Variants in KLK14 observed in about 807,000 individuals in gnomAD.
KLK14 encodes the protein kallikrein related peptidase 14.
Under a neutral mutation model 24.6 loss-of-function variants are expected in KLK14, and 21 were observed. The ratio of observed to expected loss-of-function variants is 0.85; its 90% CI spans 0.61 to 1.23. KLK14 has a LOEUF of 1.23. KLK14 is among the 50% of genes most tolerant of loss of function. KLK14 has a pLI of 0.00. For synonymous variants in KLK14, 133 were observed against 139.7 expected (o/e 0.95, Z 0.34); for missense variants, 320 against 338.9 (o/e 0.94, Z 0.44).
chr19:51,083,282 A>AGAGG (rs2091851687), upstream of KLK14, among the ~76,000 whole-genome samples: 2 of 123,278 alleles, frequency 1.6e-5, no homozygotes, highest in South Asian at 6.2e-4. Context: ...GAGGAGGGAG[A>AGAGG]GAGGGAGAGA....
At position 51,081,501 on chromosome 19, in the gene KLK14, A is replaced by G; in HGVS notation, c.212+31T>C. The G allele has an allele frequency of 3.5e-6, 5 of 1,443,320 alleles. No individual in the cohort carries two copies. In the South Asian group the frequency reaches 7.3e-5, roughly 21 times the overall value. The allele number at this position is 1,443,320 out of a possible 1,614,324, so 89.4% of individuals were successfully genotyped here. ...AGGGCTTTAGACTCTGGAATTCACT[A>G]GGTACAGGGACAGGGGAGGGGGTCA... On this transcript the variant is annotated intron_variant, in intron 3 of 5. Coordinates refer to ENST00000650543, the MANE Select transcript of KLK14 (RefSeq NM_001369775.2).
At position 51,078,394 on chromosome 19, in the gene KLK14, A is replaced by AG. The variant is rs2091816742; in HGVS notation, c.604-236dup. 6.6e-6 allele frequency among the ~76,000 whole-genome samples: 1 copy of AG among 152,062 alleles called. No homozygotes were observed. The highest frequency in any genetic ancestry group is 6.5e-5 in the Admixed American group (1 of 15,270). ...ACCTGCCTGTCCCTTGAATCTCACC[A>AG]GGCCCCTCTCTGTTCGCTCCAACTG... is the stretch of plus-strand genomic sequence containing the variant. On this transcript the variant is annotated intron_variant, in intron 5 of 5. Coordinates refer to ENST00000650543, the MANE Select transcript of KLK14 (RefSeq NM_001369775.2). This position sits in a 1 kb window ranked among gnomAD's most constrained non-coding sequence, Gnocchi z 5.0.
rs376403022 is a variant in KLK14, at chr19:51,079,539, C to T, written c.376G>A (p.Ala126Thr). The T allele has an allele frequency of 3.7e-6, 6 of 1,613,820 alleles. No individual in the cohort carries two copies. In the African/African-American group the frequency reaches 8.0e-5, roughly 22 times the overall value. Residue 126 changes from alanine to threonine, a missense_variant, in exon 4 of 6, where the codon GCA becomes ACA. Physicochemically the swap from Ala to Thr is moderately conservative, Grantham distance 58. Transcript: ENST00000650543. Reference protein sequence around the residue: ...QLQQPARIGRAVRPIEVTQAC... With the variant: ...QLQQPARIGRTVRPIEVTQAC... ...TGGGTGACCTCAATGGGCCTGACTG[C>T]CCTCCCGATCCGTGCGGGCTGCTGT...
In KLK14 at chr19:51,078,879, G is replaced by C; in HGVS notation, c.539C>G (p.Pro180Arg). The C allele has an allele frequency of 1.9e-6, 3 of 1,614,022 alleles. No homozygotes were observed. Among genetic ancestry groups the C allele is most frequent in the Non-Finnish European group, 2.5e-6 (3 of 1,179,924 alleles). The change falls in exon 5 of 6, where the codon CCT becomes CGT. Residue 180 changes from proline to arginine, a missense_variant. Physicochemically the swap from Pro to Arg is moderately radical, Grantham distance 103. Transcript: ENST00000650543. This position sits in a 1 kb window ranked among gnomAD's most constrained non-coding sequence, Gnocchi z 5.0. Reference protein sequence around the residue: ...SPDEVCQKAYPRTITPGMVCA... With the variant: ...SPDEVCQKAYRRTITPGMVCA... ...GACCATGCCAGGCGTGATGGTTCTA[G>C]GATAGGCCTTCTGGCACACCTCATC...
chr19:51,078,254 C>T lies in KLK14; in HGVS notation c.604-95G>A. On this transcript the variant is annotated intron_variant, in intron 5 of 5. Transcript: ENST00000650543. The surrounding 1 kb of genome is among the most constrained non-coding windows in gnomAD (Gnocchi z 5.0). ...CGAGAAGCAGACACAGGGAGACAGG[C>T]AGAGACACTGGTGGACAGTTAGGGA... 1 of 1,326,002 alleles carries T rather than the reference C, an allele frequency of 7.5e-7. No homozygotes were observed. The highest frequency in any genetic ancestry group is 1.0e-6 in the Non-Finnish European group (1 of 961,296). The allele number at this position is 1,326,002 out of a possible 1,614,324, so 82.1% of individuals were successfully genotyped here. A position where few individuals can be genotyped will look rare whatever the true frequency, so the allele number is the denominator to read the frequency against.
At position 51,082,786 on chromosome 19, in the gene KLK14, G is replaced by T. The variant is rs200002398; in HGVS notation, c.-87C>A. Reference sequence around the variant, plus strand: ...AGAGGTAGGGACCAGAGACGAGGGGGGCGGGGCCTGCAGGCTCTGCGGGCG... The same window carrying T: ...AGAGGTAGGGACCAGAGACGAGGGGTGCGGGGCCTGCAGGCTCTGCGGGCG... On this transcript the variant is annotated 5_prime_UTR_variant, in exon 1 of 6. Coordinates refer to ENST00000650543, the MANE Select transcript of KLK14 (RefSeq NM_001369775.2). 2 of 1,607,720 alleles carry T rather than the reference G, an allele frequency of 1.2e-6. No individual in the cohort carries two copies. Among genetic ancestry groups the T allele is most frequent in the East Asian group, 2.2e-5 (1 of 44,686 alleles).
In KLK14 at chr19:51,078,335, C is replaced by A. The variant is rs1390783769; in HGVS notation, c.604-176G>T. 6.6e-6 allele frequency among the ~76,000 whole-genome samples: 1 copy of A among 152,148 alleles called. No homozygotes were observed. The highest frequency in any genetic ancestry group is 1.5e-5 in the Non-Finnish European group (1 of 68,004). On this transcript the variant is annotated intron_variant, in intron 5 of 5. Transcript: ENST00000650543. This position sits in a 1 kb window ranked among gnomAD's most constrained non-coding sequence, Gnocchi z 5.0. ...CCCCGGAGGTCGGGGCACTTCCTTC[C>A]CTCTCCGCTGGGTCTGGCTCTGTCT...
chr19:51,079,307 C>T, intron 4 of KLK14, 142 bp downstream of exon 4: 1 of 838,298 alleles, frequency 1.2e-6, no homozygotes, highest in Non-Finnish European at 1.8e-6. Flanking sequence ...CAGGCCTCAG[C>T]CCCCTCCTCC....
Position 51,078,944 on chromosome 19 carries a change from G to A in KLK14, c.474C>T (p.Tyr158=). The A allele has an allele frequency of 6.2e-7, 1 of 1,613,722 alleles. No homozygotes were observed. The highest frequency in any genetic ancestry group is 8.5e-7 in the Non-Finnish European group (1 of 1,179,884). ...TGTTCACGCATTGCAGAGAGGCGGG[G>A]TACCTGGCTGGGGGACACTGCAGGG... ...WGTISSPIAR[Y]PASLQCVNIN... is the part of the protein sequence containing the mutation. Residue 158 remains tyrosine, a synonymous_variant, in exon 5 of 6, where the codon TAC becomes TAT. Coordinates refer to ENST00000650543, the MANE Select transcript of KLK14 (RefSeq NM_001369775.2). The surrounding 1 kb of genome is among the most constrained non-coding windows in gnomAD (Gnocchi z 5.0).
At chr19:51,077,676 G>T (rs1454051511), downstream of KLK14, among the ~76,000 whole-genome samples, 1 of 146,808 alleles carries the variant, frequency 6.8e-6, no homozygotes, top group Non-Finnish European at 1.5e-5. Flanking sequence ...GAGGGGCTGG[G>T]CCTGGATTCC....
chr19:51,079,418 C>T, intron 4 of KLK14, 31 bp downstream of exon 4: 2 of 1,579,176 alleles, frequency 1.3e-6, no homozygotes, highest in South Asian at 1.1e-5. Flanking sequence ...CAGGCCCAGT[C>T]CCCTGCTTTC....
intron 2 of KLK14, among the ~76,000 whole-genome samples, chr19:51,082,360 T>C (rs898700271): frequency 1.3e-5 from 2 of 152,080 alleles, no homozygotes; most frequent in African/African-American, 4.8e-5. Flanking sequence ...GCACCAGACC[T>C]TATAAACACC....
rs1359428913 is a variant in KLK14, at chr19:51,082,722, C to T, written c.-23G>A. Reference sequence around the variant, plus strand: ...GGCAGAGACAGCAAGGGGCACTTACCCAGAGCCCAAGACCCTCAGGGACAT... The same window carrying T: ...GGCAGAGACAGCAAGGGGCACTTACTCAGAGCCCAAGACCCTCAGGGACAT... On this transcript the variant is annotated splice_region_variant and 5_prime_UTR_variant, in exon 1 of 6. Coordinates refer to ENST00000650543, the MANE Select transcript of KLK14 (RefSeq NM_001369775.2). 6.2e-7 allele frequency: 1 copy of T among 1,613,798 alleles called. No individual in the cohort carries two copies. Among genetic ancestry groups the T allele is most frequent in the Admixed American group, 1.7e-5 (1 of 59,994 alleles).
upstream of KLK14, among the ~76,000 whole-genome samples, chr19:51,083,403 GGAGA>G (rs1178510291): frequency 1.0e-5 from 1 of 99,124 alleles, no homozygotes; most frequent in Non-Finnish European, 2.0e-5. Flanking sequence ...AGAGAGAGAT[GGAGA>G]GAGAGACAGA....
chr19:51,082,689 G>A (rs777437075), intron 1 of KLK14, 33 bp downstream of exon 1: 4 of 1,614,066 alleles, frequency 2.5e-6, no homozygotes, highest in South Asian at 1.1e-5. Context: ...CAGAACCGGG[G>A]GCTGAGAGGC....
intron 2 of KLK14, 99 bp from the exon 3 acceptor site, chr19:51,081,802 G>T: frequency 1.7e-6 from 2 of 1,197,994 alleles, no homozygotes; most frequent in Non-Finnish European, 2.3e-6. Flanking sequence ...CCTTCCTTTT[G>T]GTCTAACCCC....
rs1307473956 is a variant in KLK14 at position 51,081,697 on chromosome 19, G to A, written c.47C>T (p.Thr16Ile). 1.9e-6 allele frequency: 3 copies of A among 1,539,344 alleles called. No homozygotes were observed. The highest frequency in any genetic ancestry group is 1.8e-6 in the Non-Finnish European group (2 of 1,138,826). The change falls in exon 3 of 6, where the codon ACA (threonine) becomes ATA (isoleucine). Residue 16 changes from threonine (T) to isoleucine (I), a missense_variant. Physicochemically the swap from Thr to Ile is moderately conservative, Grantham distance 89 (BLOSUM62 -1). Coordinates refer to ENST00000650543, the MANE Select transcript of KLK14 (RefSeq NM_001369775.2). ...TALQVLAIAMTQSQEDENKII... is the reference protein window; with the variant it reads ...TALQVLAIAMIQSQEDENKII... ...CTTGTTCTCATCCTCTTGGCTCTGTGTCATGGCTAGGAGTGGACAGGATTG... is the reference window on the plus strand; with the variant it reads ...CTTGTTCTCATCCTCTTGGCTCTGTATCATGGCTAGGAGTGGACAGGATTG...
chr19:51,078,949 T>A lies in KLK14; in HGVS notation c.469A>T (p.Arg157Trp). Residue 157 changes from arginine to tryptophan, a missense_variant and splice_region_variant, in exon 5 of 6, where the codon AGG becomes TGG. By Grantham distance (101) the Arg-to-Trp change is moderately radical (BLOSUM62 -3). Coordinates refer to ENST00000650543, the MANE Select transcript of KLK14 (RefSeq NM_001369775.2). This position sits in a 1 kb window ranked among gnomAD's most constrained non-coding sequence, Gnocchi z 5.0. The stretch of plus-strand genomic sequence containing the variant: ...ACGCATTGCAGAGAGGCGGGGTACC[T>A]GGCTGGGGGACACTGCAGGGTTATA... Reference protein sequence around the residue: ...GWGTISSPIARYPASLQCVNI... With the variant: ...GWGTISSPIAWYPASLQCVNI... 6.2e-7 allele frequency: 1 copy of A among 1,613,544 alleles called. No individual in the cohort carries two copies. The highest frequency in any genetic ancestry group is 8.5e-7 in the Non-Finnish European group (1 of 1,179,852).
In KLK14 at chr19:51,081,139, G is replaced by A. The variant is rs185150473; in HGVS notation, c.212+393C>T. 5.9e-5 allele frequency among the ~76,000 whole-genome samples: 9 copies of A among 152,330 alleles called. No individual in the cohort carries two copies. In the East Asian group the frequency reaches 1.4e-3, roughly 23 times the overall value. On this transcript the variant is annotated intron_variant, in intron 3 of 5. Coordinates refer to ENST00000650543, the MANE Select transcript of KLK14 (RefSeq NM_001369775.2). ...CTAGTTCTGGATTTATGGCTAGACT[G>A]CAGGTCCTGAACTGGGCTCTGAGTT...
Sources: allele counts gnomAD v4.1 joint callset (sites outside exome capture counted in the v4.1 genomes callset), GRCh38; gene constraint gnomAD v4.1.1; non-coding constraint Gnocchi (gnomAD v3.1); transcripts MANE v1.5; gene names NCBI Gene and HGNC (gene_info 2026-07-23, HGNC 2026-07-21).